Variants in MCC observed in about 807,000 individuals in gnomAD.
MCC encodes MCC regulator of Wnt signaling pathway, also known as colorectal mutant cancer protein.
MCC carries 90 observed loss-of-function variants against 116.2 expected under a neutral mutation model. That is an observed-to-expected ratio of 0.77 (90% CI 0.65 to 0.92). MCC has a LOEUF of 0.92. Among genes scored for constraint, MCC ranks in the 40% least tolerant of loss-of-function variants. The pLI, the probability that MCC is intolerant of heterozygous loss-of-function variation, is 0.00. For synonymous variants in MCC, 578 were observed against 510.5 expected (o/e 1.13, Z -1.78); for missense variants, 1,516 against 1,312.2 (o/e 1.16, Z -2.40).
chr5:113,385,190 G>C lies in MCC; in HGVS notation c.193C>G (p.Arg65Gly), dbSNP rs375541664. Reference protein sequence around the residue: ...ISRNDLLMVCRQLNMEESVAE... With the variant: ...ISRNDLLMVCGQLNMEESVAE... ...ACAGACTCTTCCATATTCAGCTGGC[G>C]ACAGACCATTAGCAAGTCATTTCTG... Residue 65 changes from arginine to glycine, a missense_variant, in exon 2 of 19, where the codon CGC becomes GGC. Transcript: ENST00000408903. 1 of 1,613,858 alleles carries C rather than the reference G, an allele frequency of 6.2e-7. No individual in the cohort carries two copies. Among genetic ancestry groups the C allele is most frequent in the Non-Finnish European group, 8.5e-7 (1 of 1,179,972 alleles).
chr5:113,329,552 T>C (rs1434630953), intron 3 of MCC, among the ~76,000 whole-genome samples: 4 of 152,144 alleles, frequency 2.6e-5, no homozygotes, highest in Non-Finnish European at 5.9e-5. Flanking sequence ...GTTCATTCTA[T>C]ACATAACTTT....
chr5:113,123,547 C>T (rs969034808), intron 5 of MCC, among the ~76,000 whole-genome samples: 1 of 152,204 alleles, frequency 6.6e-6, no homozygotes, highest in Non-Finnish European at 1.5e-5. Context: ...TGTATACACA[C>T]ATCTACCTCT....
chr5:113,154,364 A>G (rs115931906), intron 3 of MCC, among the ~76,000 whole-genome samples: 2,410 of 152,334 alleles, frequency 0.016, 39 homozygotes, highest in Non-Finnish European at 0.025. Context: ...GGCTACAACT[A>G]GAGAGAGCAG....
chr5:113,222,278 T>C (rs1350606194), intron 3 of MCC, among the ~76,000 whole-genome samples: 2 of 152,220 alleles, frequency 1.3e-5, no homozygotes, highest in African/African-American at 4.8e-5. Context: ...CACTTTGTCA[T>C]GATGTATTAT....
chr5:113,474,787 A>T (rs1772193921), intron 1 of MCC, among the ~76,000 whole-genome samples: 4 of 152,206 alleles, frequency 2.6e-5, no homozygotes, highest in African/African-American at 4.8e-5. Context: ...TAAATATAAA[A>T]TTGCCAACAC....
At chr5:113,455,966 T>G (rs1580398875) in intron 1 of MCC, among the ~76,000 whole-genome samples, 1 of 152,326 alleles carries the variant, frequency 6.6e-6, no homozygotes. Flanking sequence ...ATCATACAGC[T>G]AATAAACTAG....
At chr5:113,180,988 G>C (rs1388891954) in intron 3 of MCC, among the ~76,000 whole-genome samples, 1 of 152,094 alleles carries the variant, frequency 6.6e-6, no homozygotes. Flanking sequence ...TAATTTTGAA[G>C]AATCAAAAGA....
At chr5:113,181,284 C>T (rs375929713) in intron 3 of MCC, among the ~76,000 whole-genome samples, 5 of 152,324 alleles carry the variant, frequency 3.3e-5, no homozygotes, top group East Asian at 3.9e-4. Context: ...CCACCACTAT[C>T]GGTCAGAACA....
chr5:113,123,729 G>T (rs181976887), intron 5 of MCC, among the ~76,000 whole-genome samples: 2 of 152,102 alleles, frequency 1.3e-5, no homozygotes, highest in African/African-American at 4.8e-5. Flanking sequence ...AAAATGAACC[G>T]TCTTTGAAGG....
intron 13 of MCC, among the ~76,000 whole-genome samples, chr5:113,067,878 C>T (rs1753732735): frequency 6.6e-6 from 1 of 152,248 alleles, no homozygotes; most frequent in African/African-American, 2.4e-5. Flanking sequence ...TTTAACTTGT[C>T]TGTTATTCTG....
chr5:113,435,024 C>T (rs535870451), intron 1 of MCC: 13 of 659,300 alleles, frequency 2.0e-5, no homozygotes, highest in Middle Eastern at 4.4e-4. Flanking sequence ...ATGACTTCAG[C>T]GAGTGAAGTC....
intron 15 of MCC, among the ~76,000 whole-genome samples, chr5:113,052,026 A>G (rs1424637946): frequency 1.3e-5 from 2 of 152,172 alleles, no homozygotes; most frequent in African/African-American, 4.8e-5. Flanking sequence ...GCCCTGGATC[A>G]TGATATTATG....
chr5:113,468,836 AT>A (rs1771993399), intron 1 of MCC, among the ~76,000 whole-genome samples: 1 of 152,148 alleles, frequency 6.6e-6, no homozygotes, highest in South Asian at 2.1e-4. Context: ...TTGGTAAGCT[AT>A]TGATTATTGC....
chr5:113,285,894 G>T (rs542038724), intron 3 of MCC, among the ~76,000 whole-genome samples: 2 of 152,120 alleles, frequency 1.3e-5, no homozygotes, highest in South Asian at 4.1e-4. Flanking sequence ...ATATGTGAAC[G>T]GTTACAAGAT....
chr5:113,346,175 G>A (rs1490915837), intron 2 of MCC, among the ~76,000 whole-genome samples: 1 of 152,038 alleles, frequency 6.6e-6, no homozygotes, highest in Non-Finnish European at 1.5e-5. Flanking sequence ...CACAGTCAGA[G>A]GAGACAAAAG....
chr5:113,049,020 T>A (rs1341277587), intron 16 of MCC, 73 bp downstream of exon 16: 1 of 1,416,344 alleles, frequency 7.1e-7, no homozygotes, highest in East Asian at 2.4e-5. Flanking sequence ...CGGTGAGGTG[T>A]GGCCAGTGGT....
At chr5:113,409,137 CA>C (rs1031549618) in intron 1 of MCC, among the ~76,000 whole-genome samples, 2 of 152,206 alleles carry the variant, frequency 1.3e-5, no homozygotes, top group Non-Finnish European at 1.5e-5. Context: ...ATTCCCACTG[CA>C]TTACCCTATA....
chr5:113,203,598 T>TGATTATTTC (rs1762785800), intron 3 of MCC, among the ~76,000 whole-genome samples: 1 of 152,140 alleles, frequency 6.6e-6, no homozygotes, highest in South Asian at 2.1e-4. Flanking sequence ...TCACTTGGCG[T>TGATTATTTC]GATTATTTCG....
chr5:113,337,114 G>C (rs1767888864), intron 3 of MCC, among the ~76,000 whole-genome samples: 1 of 152,194 alleles, frequency 6.6e-6, no homozygotes, highest in Non-Finnish European at 1.5e-5. Flanking sequence ...TGACTCTCGT[G>C]GCTTGACTGC....
Sources: allele counts gnomAD v4.1 joint callset (sites outside exome capture counted in the v4.1 genomes callset), GRCh38; gene constraint gnomAD v4.1.1; transcripts MANE v1.5; gene names NCBI Gene and HGNC (gene_info 2026-07-23, HGNC 2026-07-21).